The following TMEM181 variants were observed in gnomAD, a reference collection of about 807,000 sequenced individuals.
The protein encoded by TMEM181 is transmembrane protein 181, also known as G protein-coupled receptor 178.
In TMEM181, 39 loss-of-function variants were observed where a neutral mutation model predicts 71.9. That is an observed-to-expected ratio of 0.54 (90% CI 0.42 to 0.71). The LOEUF is 0.71. TMEM181 is among the 30% of genes least tolerant of loss of function. The probability of loss-of-function intolerance (pLI) is 0.00; values close to 1 mark genes in which losing one functional copy is unlikely to be tolerated. For synonymous variants in TMEM181, 245 were observed against 228.8 expected, an observed-to-expected ratio of 1.07 and a Z score of -0.64; for missense variants, 595 against 583.0, an observed-to-expected ratio of 1.02 and a Z score of -0.21.
intron 2 of TMEM181, among the ~76,000 whole-genome samples, chr6:158,579,731 A>G (rs1783367817): frequency 6.6e-6 from 1 of 152,160 alleles, no homozygotes; most frequent in Admixed American, 6.6e-5. Flanking sequence ...AAAAACAAAC[A>G]AACAAAAAAC....
chr6:158,564,295 A>T (rs933455502), intron 1 of TMEM181, among the ~76,000 whole-genome samples: 5 of 152,146 alleles, frequency 3.3e-5, no homozygotes, highest in African/African-American at 1.2e-4. Flanking sequence ...CTGGGTGTGC[A>T]TTTGTGGGTT....
At chr6:158,544,182 AGTGTGTGTGT>A (rs34605570) in intron 1 of TMEM181, among the ~76,000 whole-genome samples, 14 of 127,558 alleles carry the variant, frequency 1.1e-4, no homozygotes, top group East Asian at 2.3e-4. Flanking sequence ...AATTGGAGAG[AGTGTGTGTGT>A]GTGTGTGTGT....
intron 1 of TMEM181, among the ~76,000 whole-genome samples, chr6:158,539,153 CG>C (rs1480873604): frequency 2.6e-5 from 4 of 152,138 alleles, no homozygotes; most frequent in African/African-American, 7.2e-5. Context: ...AGATTCACAG[CG>C]GTTGGAAGTG....
chr6:158,585,321 A>G lies in TMEM181; in HGVS notation c.277A>G (p.Ser93Gly). The G allele has an allele frequency of 6.2e-7, 1 of 1,603,932 alleles. No homozygotes were observed. The highest frequency in any genetic ancestry group is 8.5e-7 in the Non-Finnish European group (1 of 1,177,040). The change falls in exon 5 of 17, where the codon AGC becomes GGC. Residue 93 changes from serine (S) to glycine (G), a missense_variant. Ser to Gly is a moderately conservative substitution (Grantham distance 56). Transcript: ENST00000684151. ...DQSKETSIKT[S>G]FPMTVKVDGV... ...TTTTGTAGAAACTTCTATTAAGACA[A>G]GCTTTCCCATGACTGTTAAAGTCGA...
At chr6:158,619,201 C>CT (rs1330403899) in intron 10 of TMEM181, among the ~76,000 whole-genome samples, 1 of 152,190 alleles carries the variant, frequency 6.6e-6, no homozygotes, top group Non-Finnish European at 1.5e-5. Flanking sequence ...TCTTTTTACT[C>CT]TTTTTTCTCT....
chr6:158,573,253 G>C (rs1782976096), intron 1 of TMEM181, among the ~76,000 whole-genome samples, 167 bp from the exon 2 acceptor site: 2 of 152,176 alleles, frequency 1.3e-5, no homozygotes, highest in African/African-American at 4.8e-5. Flanking sequence ...TGCTGAGGCT[G>C]TTTTGTCAGG....
chr6:158,607,556 A>G (rs1034743527), intron 8 of TMEM181, among the ~76,000 whole-genome samples: 7 of 152,122 alleles, frequency 4.6e-5, no homozygotes, highest in African/African-American at 1.4e-4. Flanking sequence ...TGTGGTCCCA[A>G]CTGCTTGGGA....
chr6:158,610,336 TCC>T (rs1222062973), intron 10 of TMEM181: 1 of 288,126 alleles, frequency 3.5e-6, no homozygotes, highest in African/African-American at 2.3e-5. Context: ...TTTCAACAGC[TCC>T]CCCCGTAGGC....
rs542922209 is a variant in TMEM181, at chr6:158,570,233, CT to C, written c.9-3170del. On this transcript the variant is annotated intron_variant, in intron 1 of 16. Coordinates refer to ENST00000684151, the MANE Select transcript of TMEM181 (RefSeq NM_001376852.1). Reference sequence around the variant, plus strand: ...AGAGATAGCAGAGTGTTTCCGTACACTTTTTTTTTTTTTTTTTGAGATGGAG... The same window carrying C: ...AGAGATAGCAGAGTGTTTCCGTACACTTTTTTTTTTTTTTTTGAGATGGAG... 9.2e-3 allele frequency among the ~76,000 whole-genome samples: 1,264 copies of C among 136,650 alleles called. 6 individuals carry two copies. The highest frequency in any genetic ancestry group is 0.016 in the African/African-American group (588 of 37,362). 89.6% of individuals were successfully genotyped at this position (136,650 alleles called of 152,430 possible).
chr6:158,553,878 T>C (rs1165099127), intron 1 of TMEM181, among the ~76,000 whole-genome samples: 1 of 152,146 alleles, frequency 6.6e-6, no homozygotes, highest in Non-Finnish European at 1.5e-5. Context: ...GGTCCTCAAA[T>C]GATGTCACTT....
At chr6:158,598,999 A>C (rs1784530255) in intron 6 of TMEM181, among the ~76,000 whole-genome samples, 1 of 152,124 alleles carries the variant, frequency 6.6e-6, no homozygotes. Context: ...CCAGGCTGTG[A>C]ATCTGAAGCT....
At chr6:158,545,669 T>G (rs1209856678) in intron 1 of TMEM181, among the ~76,000 whole-genome samples, 1 of 152,060 alleles carries the variant, frequency 6.6e-6, no homozygotes, top group Non-Finnish European at 1.5e-5. Flanking sequence ...TTAGTTTTTT[T>G]TTTTTTGGTG....
At chr6:158,609,245 T>C (rs2128318242) in intron 10 of TMEM181, among the ~76,000 whole-genome samples, 1 of 152,312 alleles carries the variant, frequency 6.6e-6, no homozygotes. Flanking sequence ...CCCCATTAAC[T>C]ATCTGCGGTC....
chr6:158,554,471 C>T (rs1392246563), intron 1 of TMEM181, among the ~76,000 whole-genome samples: 1 of 152,092 alleles, frequency 6.6e-6, no homozygotes, highest in Non-Finnish European at 1.5e-5. Context: ...CCACCTGCCT[C>T]AGCCTCCCAA....
intron 10 of TMEM181, 84 bp downstream of exon 10, chr6:158,608,834 A>C (rs1785120056): frequency 2.8e-5 from 37 of 1,308,106 alleles, no homozygotes; most frequent in Non-Finnish European, 3.3e-5. Context: ...GTAGTGGCTC[A>C]CGCCTGTAAT....
At chr6:158,574,744 G>C (rs1783067192) in intron 2 of TMEM181, among the ~76,000 whole-genome samples, 2 of 152,140 alleles carry the variant, frequency 1.3e-5, no homozygotes, top group South Asian at 4.1e-4. Context: ...CTATCTGCCT[G>C]CCTGCCTGCC....
intron 16 of TMEM181, among the ~76,000 whole-genome samples, 169 bp downstream of exon 16, chr6:158,631,558 G>A (rs1366881486): frequency 6.6e-6 from 1 of 152,206 alleles, no homozygotes; most frequent in Non-Finnish European, 1.5e-5. Flanking sequence ...AGGCTTAGAT[G>A]TGGTAGTAGT....
intron 1 of TMEM181, among the ~76,000 whole-genome samples, chr6:158,571,456 C>T (rs1782833896): frequency 7.4e-6 from 1 of 134,794 alleles, no homozygotes; most frequent in Admixed American, 7.4e-5. Context: ...GCCACCACGC[C>T]TGGCTGCTAA....
intron 6 of TMEM181, 124 bp from the exon 7 acceptor site, chr6:158,605,131 AGTGTGTGTGTGT>A (rs71030178): frequency 2.5e-4 from 40 of 161,144 alleles, no homozygotes; most frequent in Non-Finnish European, 3.7e-4. Flanking sequence ...AAAAAAAAAA[AGTGTGTGTGTGT>A]GTGTGTGTGT....
Sources: allele counts gnomAD v4.1 joint callset (sites outside exome capture counted in the v4.1 genomes callset), GRCh38; gene constraint gnomAD v4.1.1; transcripts MANE v1.5; gene names NCBI Gene and HGNC (gene_info 2026-07-23, HGNC 2026-07-21).